Variants in SSBP3 observed in about 807,000 individuals in gnomAD.
SSBP3 encodes the protein single stranded DNA binding protein 3, also known as single-stranded DNA-binding protein 3.
In SSBP3, 5 loss-of-function variants were observed where a neutral mutation model predicts 69.6. The ratio of observed to expected loss-of-function variants is 0.07; its 90% CI spans 0.04 to 0.15. The LOEUF (loss-of-function observed/expected upper bound fraction) is 0.15, where lower values mean the gene tolerates loss of function less well. Among genes scored for constraint, SSBP3 ranks in the 10% least tolerant of loss-of-function variants. SSBP3 has a pLI of 1.00. For missense variants in SSBP3, 312 were observed against 534.0 expected (o/e 0.58, Z 4.10); for synonymous variants, 196 against 193.4 (o/e 1.01, Z -0.11).
intron 4 of SSBP3, among the ~76,000 whole-genome samples, chr1:54,306,686 CAACCCCAAGATATAAATATAAA>C (rs1339049230): frequency 2.6e-5 from 4 of 152,114 alleles, no homozygotes; most frequent in Non-Finnish European, 1.5e-5. Context: ...ACCTTTATAC[CAACCCCAAGATATAAATATAAA>C]AACCACCTCA....
upstream of SSBP3, among the ~76,000 whole-genome samples, chr1:54,406,720 CG>C (rs1457232827): frequency 6.6e-6 from 1 of 151,908 alleles, no homozygotes; most frequent in Non-Finnish European, 1.5e-5. Context: ...GCGCTCCCCG[CG>C]GCGTGGACCA....
chr1:54,253,438 T>C (rs188560644), intron 7 of SSBP3, among the ~76,000 whole-genome samples: 7 of 152,248 alleles, frequency 4.6e-5, no homozygotes, highest in African/African-American at 1.7e-4. Flanking sequence ...GTGATCCTCC[T>C]GCCTCAGCCT....
At chr1:54,291,274 T>TC (rs1224186515) in intron 4 of SSBP3, among the ~76,000 whole-genome samples, 1 of 152,190 alleles carries the variant, frequency 6.6e-6, no homozygotes, top group African/African-American at 2.4e-5. Flanking sequence ...CAAGTCACTT[T>TC]CCCTCACCTC....
At chr1:54,306,194 A>G (rs1645898152) in intron 4 of SSBP3, among the ~76,000 whole-genome samples, 1 of 152,126 alleles carries the variant, frequency 6.6e-6, no homozygotes, top group African/African-American at 2.4e-5. Context: ...CCGGCAGCAC[A>G]GCACAGAACG....
intron 4 of SSBP3, among the ~76,000 whole-genome samples, chr1:54,350,559 CAT>C (rs1252142586): frequency 1.3e-5 from 2 of 152,210 alleles, no homozygotes; most frequent in African/African-American, 2.4e-5. Context: ...TTTTCTAAGA[CAT>C]GTGCACAACC....
chr1:54,345,688 G>A (rs1297987280), intron 4 of SSBP3, among the ~76,000 whole-genome samples: 2 of 152,166 alleles, frequency 1.3e-5, no homozygotes, highest in East Asian at 3.9e-4. Context: ...ACCAAGCCCT[G>A]ACCATGGCAC....
At chr1:54,411,370 C>T (rs771497805), upstream of SSBP3, among the ~76,000 whole-genome samples, 2 of 151,362 alleles carry the variant, frequency 1.3e-5, no homozygotes, top group South Asian at 2.1e-4. Context: ...CTCAGCTACT[C>T]GGGTGGCTGG....
At chr1:54,404,207 C>T (rs1054628008) in intron 3 of SSBP3, among the ~76,000 whole-genome samples, 13 of 152,238 alleles carry the variant, frequency 8.5e-5, no homozygotes, top group Admixed American at 6.5e-4. Flanking sequence ...GTAAAACAGA[C>T]CTGGTATCCC....
At chr1:54,378,993 C>A (rs916259842) in intron 4 of SSBP3, among the ~76,000 whole-genome samples, 1 of 152,108 alleles carries the variant, frequency 6.6e-6, no homozygotes, top group African/African-American at 2.4e-5. Context: ...AGACACAAGA[C>A]GCTGGCTCTC....
chr1:54,263,780 G>C (rs539475204), intron 5 of SSBP3, among the ~76,000 whole-genome samples: 146 of 152,316 alleles, frequency 9.6e-4, no homozygotes, highest in African/African-American at 2.7e-3. Context: ...GGCCCAAACA[G>C]AGCAGCAGGG....
intron 4 of SSBP3, among the ~76,000 whole-genome samples, chr1:54,345,718 A>C (rs1478606020): frequency 1.3e-5 from 2 of 152,142 alleles, no homozygotes; most frequent in African/African-American, 4.8e-5. Context: ...TCCTAACAGA[A>C]GATTACTGTA....
chr1:54,365,725 TG>T (rs1014128976), intron 4 of SSBP3, among the ~76,000 whole-genome samples: 23 of 152,216 alleles, frequency 1.5e-4, no homozygotes, highest in African/African-American at 1.7e-4. Context: ...GCCTTCTCCC[TG>T]GATCTGCCAA....
chr1:54,286,299 AAC>A (rs1427926240), intron 4 of SSBP3: 1 of 152,188 alleles, frequency 6.6e-6, no homozygotes, highest in East Asian at 1.9e-4. Context: ...CAACAACAAA[AAC>A]AACAAATAAA....
At chr1:54,400,478 T>C (rs916965179) in intron 4 of SSBP3, among the ~76,000 whole-genome samples, 4 of 152,216 alleles carry the variant, frequency 2.6e-5, no homozygotes, top group African/African-American at 9.6e-5. Flanking sequence ...GGAAACCTTA[T>C]CATCACCATG....
At chr1:54,283,637 T>C (rs1422540609) in intron 4 of SSBP3, among the ~76,000 whole-genome samples, 1 of 152,206 alleles carries the variant, frequency 6.6e-6, no homozygotes, top group Non-Finnish European at 1.5e-5. Flanking sequence ...AGACCCCAGA[T>C]GAAGAGAATG....
chr1:54,380,805 GGCA>G (rs1306198256), intron 4 of SSBP3, among the ~76,000 whole-genome samples: 1 of 152,112 alleles, frequency 6.6e-6, no homozygotes, highest in East Asian at 1.9e-4. Context: ...ACAGAGTGTG[GGCA>G]CCTGAAAGCT....
chr1:54,405,691 G>T (rs1047630534), intron 1 of SSBP3, among the ~76,000 whole-genome samples: 1 of 151,524 alleles, frequency 6.6e-6, no homozygotes, highest in Non-Finnish European at 1.5e-5. Context: ...CTCGACCCGC[G>T]CCACGGCCAC....
intron 4 of SSBP3, among the ~76,000 whole-genome samples, chr1:54,369,510 A>G (rs1413508357): frequency 6.6e-6 from 1 of 152,252 alleles, no homozygotes; most frequent in Non-Finnish European, 1.5e-5. Context: ...ATCAAAAAAA[A>G]AGAGAACCAC....
chr1:54,319,597 C>T (rs1308522487), intron 4 of SSBP3, among the ~76,000 whole-genome samples: 3 of 152,084 alleles, frequency 2.0e-5, no homozygotes, highest in African/African-American at 7.2e-5. Context: ...CCCCTACCTC[C>T]ACGCAAGCCA....
Sources: allele counts gnomAD v4.1 joint callset (sites outside exome capture counted in the v4.1 genomes callset), GRCh38; gene constraint gnomAD v4.1.1; transcripts MANE v1.5; gene names NCBI Gene and HGNC (gene_info 2026-07-23, HGNC 2026-07-21).